NRF1: variants seen among roughly 807,000 people sequenced by gnomAD.
NRF1 encodes the protein alpha palindromic-binding protein.
NRF1 carries 5 observed loss-of-function variants against 58.5 expected under a neutral mutation model. The ratio of observed to expected loss-of-function variants is 0.09; its 90% CI spans 0.04 to 0.18. The LOEUF (loss-of-function observed/expected upper bound fraction) is 0.18, where lower values mean the gene tolerates loss of function less well. Ranked by LOEUF, NRF1 falls within the 10% of genes least tolerant of loss-of-function variation. NRF1 has a pLI of 1.00. For missense variants in NRF1, 288 were observed against 657.7 expected, an observed-to-expected ratio of 0.44 and a Z score of 6.15; for synonymous variants, 224 against 246.7, an observed-to-expected ratio of 0.91 and a Z score of 0.86.
chr7:129,715,401 A>G (rs986709262), intron 8 of NRF1, among the ~76,000 whole-genome samples: 1 of 152,198 alleles, frequency 6.6e-6, no homozygotes, highest in Admixed American at 6.5e-5. Flanking sequence ...GTATCCTGTC[A>G]CCAGAGAGTA....
At chr7:129,711,782 C>T (rs1390400130) in intron 8 of NRF1, among the ~76,000 whole-genome samples, 5 of 152,038 alleles carry the variant, frequency 3.3e-5, no homozygotes, top group Admixed American at 2.0e-4. Context: ...ATTAGTATGT[C>T]AGGAACTTAG....
intron 1 of NRF1, among the ~76,000 whole-genome samples, chr7:129,640,853 G>A (rs950283998): frequency 6.6e-6 from 1 of 152,162 alleles, no homozygotes; most frequent in African/African-American, 2.4e-5. Flanking sequence ...AGCATTTTAG[G>A]TTTGCCTCTG....
At position 129,642,756 on chromosome 7, in the gene NRF1, A is replaced by ACTTTTTTTTTTTTTTTT. The variant is rs1562957544; in HGVS notation, c.-6-14590_-6-14589insCTTTTTTTTTTTTTTTT. On this transcript the variant is annotated intron_variant, in intron 1 of 10. Transcript: ENST00000393232. ...TTCTAAAAGAATACATTCTTTAAAA[A>ACTTTTTTTTTTTTTTTT]ATTTTTTTTTTTTTTTTTTTAAATG... 8.4e-5 allele frequency among the ~76,000 whole-genome samples: 11 copies of ACTTTTTTTTTTTTTTTT among 131,706 alleles called. 1 individual carries two copies. In the East Asian group the frequency reaches 2.0e-3, roughly 24 times the overall value. The allele number at this position is 131,706 out of a possible 152,430, so 86.4% of individuals were successfully genotyped here.
intron 1 of NRF1, among the ~76,000 whole-genome samples, chr7:129,613,233 C>T (rs974878342): frequency 6.6e-6 from 1 of 152,010 alleles, no homozygotes; most frequent in Non-Finnish European, 1.5e-5. Flanking sequence ...ATTATTTTTC[C>T]TTTGGGCTTG....
chr7:129,691,021 G>C (rs1055768518), intron 5 of NRF1, among the ~76,000 whole-genome samples: 1 of 152,066 alleles, frequency 6.6e-6, no homozygotes, highest in Non-Finnish European at 1.5e-5. Context: ...CTTCTGAGTC[G>C]TTGATTTCCT....
At chr7:129,662,141 G>A (rs1801798177) in intron 2 of NRF1, among the ~76,000 whole-genome samples, 1 of 151,460 alleles carries the variant, frequency 6.6e-6, no homozygotes, top group African/African-American at 2.4e-5. Context: ...CTCCCACTAG[G>A]TTCCTCCCAC....
chr7:129,665,611 T>TTTG lies in NRF1; in HGVS notation c.224-5799_224-5797dup, dbSNP rs576727046. Among the ~76,000 whole-genome samples, 168 of 152,026 alleles carry TTTG rather than the reference T, an allele frequency of 1.1e-3. 1 individual carries two copies. The highest frequency in any genetic ancestry group is 3.1e-3 in the East Asian group (16 of 5,184). On this transcript the variant is annotated intron_variant, in intron 2 of 10. Transcript: ENST00000393232. Reference sequence around the variant, plus strand: ...TTTAGTATCAATCACCAGTATGTTGTTTGTTGTTGTTGTTGTTGTTGGTTT... The same window carrying TTTG: ...TTTAGTATCAATCACCAGTATGTTGTTTGTTGTTGTTGTTGTTGTTGTTGGTTT...
chr7:129,638,794 A>C (rs1009849315), intron 1 of NRF1, among the ~76,000 whole-genome samples: 1 of 152,060 alleles, frequency 6.6e-6, no homozygotes, highest in African/African-American at 2.4e-5. Context: ...GAGTTTAGTG[A>C]TATCTTTTAT....
chr7:129,700,242 T>C (rs1019477193), intron 5 of NRF1, among the ~76,000 whole-genome samples: 2 of 152,220 alleles, frequency 1.3e-5, no homozygotes, highest in Non-Finnish European at 2.9e-5. Flanking sequence ...TGTTATGTTA[T>C]GTGTATTTTG....
At position 129,741,316 on chromosome 7, in the gene NRF1, C is replaced by CTCCATCCACGGTGTCCTG. The variant is rs1803840707; in HGVS notation, c.1349-13702_1349-13701insTCCATCCACGGTGTCCTG. The stretch of plus-strand genomic sequence containing the variant: ...GTCTCCTCTCCATCCACGGTGTCCT[C>CTCCATCCACGGTGTCCTG]AAGGCCAAGTTACATGCTTCTTTGT... On this transcript the variant is annotated intron_variant, in intron 10 of 10. Coordinates refer to ENST00000393232, the MANE Select transcript of NRF1 (RefSeq NM_005011.5). This position sits in a 1 kb window ranked among gnomAD's most constrained non-coding sequence, Gnocchi z 4.0. 6.6e-6 allele frequency among the ~76,000 whole-genome samples: 1 copy of CTCCATCCACGGTGTCCTG among 151,952 alleles called. No homozygotes were observed. The highest frequency in any genetic ancestry group is 1.5e-5 in the Non-Finnish European group (1 of 67,992).
intron 9 of NRF1, among the ~76,000 whole-genome samples, chr7:129,720,926 GAATC>G (rs1445779211): frequency 6.6e-6 from 1 of 151,896 alleles, no homozygotes; most frequent in African/African-American, 2.4e-5. Context: ...GGTGGGAAGG[GAATC>G]AAAGTGAACA....
intron 2 of NRF1, among the ~76,000 whole-genome samples, chr7:129,671,004 A>C (rs1281455292): frequency 6.6e-6 from 1 of 151,878 alleles, no homozygotes; most frequent in Non-Finnish European, 1.5e-5. Flanking sequence ...TCTTGGAGTA[A>C]TGGAAACAGG....
At chr7:129,652,332 G>T (rs771840626) in intron 1 of NRF1, among the ~76,000 whole-genome samples, 1 of 152,148 alleles carries the variant, frequency 6.6e-6, no homozygotes, top group Non-Finnish European at 1.5e-5. Context: ...TTAAATGTGT[G>T]TATATGTTCA....
chr7:129,673,929 C>T (rs972337888), intron 3 of NRF1, among the ~76,000 whole-genome samples: 11 of 152,032 alleles, frequency 7.2e-5, no homozygotes, highest in South Asian at 4.2e-4. Context: ...CACCTGAGGT[C>T]GGGAGTTTGA....
intron 5 of NRF1, among the ~76,000 whole-genome samples, chr7:129,698,794 A>G (rs893238330): frequency 1.3e-5 from 2 of 152,186 alleles, no homozygotes; most frequent in Admixed American, 6.5e-5. Flanking sequence ...TTCTCAGACT[A>G]TGCTTTGAAT....
At chr7:129,711,268 T>C (rs942422157) in intron 7 of NRF1, among the ~76,000 whole-genome samples, 2 of 152,234 alleles carry the variant, frequency 1.3e-5, no homozygotes, top group African/African-American at 2.4e-5. Context: ...TTTTCTCATA[T>C]GGACTTATTT....
chr7:129,632,674 A>G (rs1278275497), intron 1 of NRF1, among the ~76,000 whole-genome samples: 6 of 147,186 alleles, frequency 4.1e-5, no homozygotes. Flanking sequence ...AGGGAAAACT[A>G]AAAAGTGTAA....
intron 10 of NRF1, among the ~76,000 whole-genome samples, chr7:129,738,166 G>T (rs1803763405): frequency 6.6e-6 from 1 of 152,240 alleles, no homozygotes. Context: ...AGATTCATGT[G>T]TATTACAACT....
chr7:129,749,150 C>A (rs768306382), intron 10 of NRF1, among the ~76,000 whole-genome samples: 1 of 152,110 alleles, frequency 6.6e-6, no homozygotes, highest in Admixed American at 6.6e-5. Context: ...TCACTTTGTA[C>A]GGAAGTTTTA....
Sources: gnomAD v4.1 joint callset for allele counts (sites outside exome capture counted in the v4.1 genomes callset) on GRCh38, gnomAD v4.1.1 for gene constraint, Gnocchi (gnomAD v3.1) non-coding constraint, MANE v1.5 for transcripts, NCBI Gene and HGNC (gene_info 2026-07-23, HGNC 2026-07-21) for gene names.